The following PCDHA13 variants were observed in gnomAD, a reference collection of about 807,000 sequenced individuals.
PCDHA13 encodes protocadherin alpha-13.
In PCDHA13, 54 loss-of-function variants were observed where a neutral mutation model predicts 64.8. The ratio of observed to expected loss-of-function variants is 0.83; its 90% CI spans 0.67 to 1.04. PCDHA13 has a LOEUF of 1.04. Ranked by LOEUF, PCDHA13 falls within the 50% of genes least tolerant of loss-of-function variation. The pLI, the probability that PCDHA13 is intolerant of heterozygous loss-of-function variation, is 0.00. For missense variants in PCDHA13, 1,248 were observed against 1,254.3 expected (o/e 0.99, Z 0.08); for synonymous variants, 587 against 564.4 (o/e 1.04, Z -0.57).
chr5:140,892,219 A>T (rs1248122428), intron 1 of PCDHA13, among the ~76,000 whole-genome samples: 2 of 152,118 alleles, frequency 1.3e-5, no homozygotes, highest in Non-Finnish European at 2.9e-5. Flanking sequence ...TTGTATCTTT[A>T]TGGTGTTTTG....
intron 1 of PCDHA13, chr5:140,966,499 A>C (rs960365429): frequency 1.4e-5 from 6 of 431,834 alleles, no homozygotes; most frequent in Non-Finnish European, 2.4e-5. Context: ...CTGGAGCTGT[A>C]GCGGCAGCAG....
intron 1 of PCDHA13, chr5:140,930,379 G>T (rs1249793792): frequency 6.6e-6 from 1 of 151,896 alleles, no homozygotes; most frequent in African/African-American, 2.4e-5. Flanking sequence ...GTGGCCCTTG[G>T]CATTTCAAAA....
At chr5:140,992,708 C>T (rs2097525816) in intron 3 of PCDHA13, among the ~76,000 whole-genome samples, 1 of 152,100 alleles carries the variant, frequency 6.6e-6, no homozygotes, top group African/African-American at 2.4e-5. Context: ...ATGTTCCTGC[C>T]AGTATTCGTA....
intron 1 of PCDHA13, among the ~76,000 whole-genome samples, chr5:140,974,548 G>A (rs2096631054): frequency 6.6e-6 from 1 of 152,068 alleles, no homozygotes; most frequent in South Asian, 2.1e-4. Context: ...TTTTGCTCTT[G>A]TTGCCCAGGC....
intron 1 of PCDHA13, among the ~76,000 whole-genome samples, chr5:140,917,270 T>C (rs782142831): frequency 2.6e-5 from 4 of 151,228 alleles, no homozygotes; most frequent in Admixed American, 6.6e-5. Context: ...GTTTGGTTTT[T>C]GTAATGACGC....
chr5:140,882,936 C>T lies in PCDHA13; in HGVS notation c.668C>T (p.Thr223Ile), dbSNP rs782513929. The stretch of plus-strand genomic sequence containing the variant: ...AGTGATGGAGGTAAACCCGAGCTGA[C>T]TGGCACAGTTCAGCTGCTCATCACG... ...TASDGGKPEL[T>I]GTVQLLITIL... is the part of the protein sequence containing the mutation. Residue 223 changes from threonine (T) to isoleucine (I), a missense_variant, in exon 1 of 4, where the codon ACT (threonine) becomes ATT (isoleucine). Transcript: ENST00000289272. 3.1e-6 allele frequency: 5 copies of T among 1,614,082 alleles called. No homozygotes were observed. The highest frequency in any genetic ancestry group is 4.2e-6 in the Non-Finnish European group (5 of 1,180,044).
chr5:140,993,234 A>AATCTG (rs1554253510), intron 3 of PCDHA13, among the ~76,000 whole-genome samples: 1 of 152,130 alleles, frequency 6.6e-6, no homozygotes, highest in Non-Finnish European at 1.5e-5. Flanking sequence ...GTTCTCTCTG[A>AATCTG]ATCTGGGGAT....
chr5:140,898,548 T>C (rs1445483717), intron 1 of PCDHA13, among the ~76,000 whole-genome samples: 2 of 152,252 alleles, frequency 1.3e-5, no homozygotes, highest in Non-Finnish European at 2.9e-5. Context: ...CATTTATCTA[T>C]GTCTCTGTTT....
intron 1 of PCDHA13, among the ~76,000 whole-genome samples, chr5:140,918,947 G>T (rs56003): frequency 0.32 from 48,109 of 152,058 alleles, 7,963 homozygotes; most frequent in East Asian, 0.53. Context: ...ATAATATCCT[G>T]AACAGACTAA....
At chr5:140,892,592 C>T (rs1053889046) in intron 1 of PCDHA13, among the ~76,000 whole-genome samples, 2 of 152,214 alleles carry the variant, frequency 1.3e-5, no homozygotes, top group Admixed American at 6.5e-5. Context: ...TATTCATTCA[C>T]CTATTTTTTT....
intron 1 of PCDHA13, among the ~76,000 whole-genome samples, chr5:140,890,365 T>A: frequency 6.6e-6 from 1 of 152,216 alleles, no homozygotes; most frequent in Non-Finnish European, 1.5e-5. Context: ...ATGGATAACC[T>A]GAACAAGTAC....
At chr5:140,920,107 C>A (rs1480708499) in intron 1 of PCDHA13, among the ~76,000 whole-genome samples, 1 of 152,300 alleles carries the variant, frequency 6.6e-6, no homozygotes, top group Non-Finnish European at 1.5e-5. Flanking sequence ...GGGAGTGCAA[C>A]CTTGCCAACA....
At chr5:140,989,413 T>G (rs1234033175) in intron 3 of PCDHA13, among the ~76,000 whole-genome samples, 3 of 152,172 alleles carry the variant, frequency 2.0e-5, no homozygotes, top group Non-Finnish European at 4.4e-5. Context: ...GAGTCTGCAC[T>G]TCACTCTGTG....
At chr5:140,888,703 G>C (rs547593291) in intron 1 of PCDHA13, among the ~76,000 whole-genome samples, 1 of 152,180 alleles carries the variant, frequency 6.6e-6, no homozygotes, top group Admixed American at 6.5e-5. Context: ...TGATTGGTAG[G>C]AATGTGAAAT....
chr5:140,987,007 A>C (rs2097221901), intron 3 of PCDHA13, among the ~76,000 whole-genome samples: 1 of 152,142 alleles, frequency 6.6e-6, no homozygotes, highest in African/African-American at 2.4e-5. Context: ...TGAGGTCATG[A>C]GTTCGAGACC....
intron 1 of PCDHA13, among the ~76,000 whole-genome samples, chr5:140,909,044 T>C (rs538559353): frequency 6.6e-6 from 1 of 152,336 alleles, no homozygotes; most frequent in South Asian, 2.1e-4. Context: ...TTCCATACTC[T>C]GGCATGCAAA....
At chr5:140,937,824 A>G (rs1229119616) in intron 1 of PCDHA13, among the ~76,000 whole-genome samples, 1 of 151,696 alleles carries the variant, frequency 6.6e-6, no homozygotes, top group African/African-American at 2.4e-5. Context: ...AGGCAGGAGA[A>G]TGGCATGAAC....
chr5:140,884,188 G>C lies in PCDHA13; in HGVS notation c.1920G>C (p.Val640=). 6.2e-7 allele frequency: 1 copy of C among 1,613,436 alleles called. No homozygotes were observed. The highest frequency in any genetic ancestry group is 1.7e-4 in the Middle Eastern group (1 of 6,058). ...EISTTRPLDE[V]DAPHHRLLVL... ...GCACGACGCGCCCTCTGGACGAGGT[G>C]GACGCGCCGCACCACCGCCTTCTGG... The change falls in exon 1 of 4, where the codon GTG becomes GTC. Residue 640 remains valine, a synonymous_variant. Transcript: ENST00000289272.
In PCDHA13 at chr5:140,957,392, T is replaced by A. The variant is rs1035836709; in HGVS notation, c.2395-21557T>A. Among the ~76,000 whole-genome samples the A allele has an allele frequency of 2.6e-5, 4 of 152,222 alleles. No individual in the cohort carries two copies. In the East Asian group the frequency reaches 5.8e-4, roughly 22 times the overall value. ...TTATTATAGTGTATTGTTATAATTG[T>A]CCTAATTTATTATTATTGTTGTTAA... is the stretch of plus-strand genomic sequence containing the variant. On this transcript the variant is annotated intron_variant, in intron 1 of 3. Coordinates refer to ENST00000289272, the MANE Select transcript of PCDHA13 (RefSeq NM_018904.3).
Sources: gnomAD v4.1 joint callset for allele counts (sites outside exome capture counted in the v4.1 genomes callset) on GRCh38, gnomAD v4.1.1 for gene constraint, MANE v1.5 for transcripts, NCBI Gene and HGNC (gene_info 2026-07-23, HGNC 2026-07-21) for gene names.